TSG101: variants seen among roughly 807,000 people sequenced by gnomAD.
TSG101 encodes the protein tumor susceptibility 101.
A neutral mutation model predicts 48.5 loss-of-function variants in TSG101; 19 were observed. The ratio of observed to expected loss-of-function variants is 0.39; its 90% CI spans 0.27 to 0.58. The LOEUF is 0.58. Among genes scored for constraint, TSG101 ranks in the 20% least tolerant of loss-of-function variants. The pLI is 0.55. For missense variants in TSG101, 365 were observed against 484.4 expected, an observed-to-expected ratio of 0.75 and a Z score of 2.31; for synonymous variants, 174 against 169.4, an observed-to-expected ratio of 1.03 and a Z score of -0.21.
intron 7 of TSG101, among the ~76,000 whole-genome samples, chr11:18,499,934 T>C (rs1008048790): frequency 2.0e-5 from 3 of 152,186 alleles, no homozygotes; most frequent in African/African-American, 4.8e-5. Context: ...TATCAAACAT[T>C]AGAACTTATT....
chr11:18,508,410 G>C (rs1235350851), intron 5 of TSG101: 1 of 151,864 alleles, frequency 6.6e-6, no homozygotes, highest in Non-Finnish European at 1.5e-5. Flanking sequence ...GGCCAAGCTG[G>C]TCTTGAACTT....
intron 4 of TSG101, among the ~76,000 whole-genome samples, chr11:18,510,189 G>A (rs1241479578): frequency 6.6e-6 from 1 of 152,166 alleles, no homozygotes; most frequent in African/African-American, 2.4e-5. Flanking sequence ...GGGAGGCCAA[G>A]GTGGGTGGAC....
intron 7 of TSG101, chr11:18,491,192 C>A (rs566984340): frequency 3.9e-5 from 6 of 154,626 alleles, no homozygotes; most frequent in African/African-American, 1.4e-4. Flanking sequence ...AGAGAGGCCA[C>A]GCCTTTGCCC....
At chr11:18,509,738 TC>T in intron 4 of TSG101, 73 bp from the exon 5 acceptor site, 1 of 1,454,352 alleles carries the variant, frequency 6.9e-7, no homozygotes. Context: ...TAGCCATTTC[TC>T]ATCGGTTTTC....
At chr11:18,511,017 G>A (rs917295748) in intron 4 of TSG101, 2 of 152,076 alleles carry the variant, frequency 1.3e-5, no homozygotes, top group Non-Finnish European at 2.9e-5. Context: ...TGTTCAAAAT[G>A]GCTTATTTGA....
chr11:18,485,765 T>C (rs2133903588), intron 7 of TSG101, among the ~76,000 whole-genome samples: 1 of 152,300 alleles, frequency 6.6e-6, no homozygotes, highest in Middle Eastern at 3.4e-3. Context: ...TGAAAAGTCA[T>C]TAATAGAGTA....
At position 18,519,577 on chromosome 11, in the gene TSG101, A is replaced by G. The variant is rs199925543; in HGVS notation, c.69T>C (p.Arg23=). 4 of 1,612,902 alleles carry G rather than the reference A, an allele frequency of 2.5e-6. No homozygotes were observed. Among genetic ancestry groups the G allele is most frequent in the Non-Finnish European group, 3.4e-6 (4 of 1,179,650 alleles). ...SKYKYRDLTV[R]ETVNVITLYK... The stretch of plus-strand genomic sequence containing the variant: ...ATAGAGTAATAACATTGACAGTTTC[A>G]CGTACAGTTAGGTCTCTGTATTTGT... The change falls in exon 2 of 10, where the codon CGT becomes CGC. Residue 23 remains arginine (R), a synonymous_variant. Transcript: ENST00000251968.
chr11:18,523,694 G>A (rs1159807006), intron 1 of TSG101, among the ~76,000 whole-genome samples: 1 of 152,094 alleles, frequency 6.6e-6, no homozygotes, highest in Non-Finnish European at 1.5e-5. Context: ...TAGAGATGGG[G>A]TTTCACCATC....
At chr11:18,497,899 C>T (rs934510312) in intron 7 of TSG101, among the ~76,000 whole-genome samples, 1 of 152,104 alleles carries the variant, frequency 6.6e-6, no homozygotes, top group African/African-American at 2.4e-5. Context: ...GGAAATAACC[C>T]TTTATGGGGT....
rs150420218 is a variant in TSG101, at chr11:18,510,447, G to A, written c.358-782C>T. ...AAACAAACAAACAAAAAAATTATACGTAGATTCTAGCTTAGAAATTGCTAG... is the reference window on the plus strand; with the variant it reads ...AAACAAACAAACAAAAAAATTATACATAGATTCTAGCTTAGAAATTGCTAG... On this transcript the variant is annotated intron_variant, in intron 4 of 9. Coordinates refer to ENST00000251968, the MANE Select transcript of TSG101 (RefSeq NM_006292.4). Among the ~76,000 whole-genome samples the A allele has an allele frequency of 1.4e-3, 216 of 152,212 alleles. 1 individual carries two copies. The highest frequency in any genetic ancestry group is 4.7e-3 in the African/African-American group (194 of 41,536).
At chr11:18,481,999 C>A in intron 8 of TSG101, 130 bp from the exon 9 acceptor site, 1 of 1,254,480 alleles carries the variant, frequency 8.0e-7, no homozygotes, top group Non-Finnish European at 1.1e-6. Context: ...AATAATGTTT[C>A]AAATAACACC....
chr11:18,518,425 G>GT (rs1408300134), intron 2 of TSG101, among the ~76,000 whole-genome samples: 3 of 152,160 alleles, frequency 2.0e-5, no homozygotes, highest in African/African-American at 7.2e-5. Flanking sequence ...AGCAGCATGG[G>GT]TTTTCCCTCG....
intron 2 of TSG101, among the ~76,000 whole-genome samples, chr11:18,517,185 C>CA (rs937972749): frequency 3.5e-5 from 5 of 142,172 alleles, no homozygotes; most frequent in East Asian, 4.1e-4. Context: ...CCATGCCCAG[C>CA]TTTTTTTTTT....
chr11:18,505,824 TTTTG>T lies in TSG101; in HGVS notation c.548+1029_548+1032del, dbSNP rs577095749. Reference sequence around the variant, plus strand: ...TGTATAGAAAAGATAGGTTGTGGGGTTTTGTTTGTTTGAGAGAGAGTTTTGCTCT... The same window carrying T: ...TGTATAGAAAAGATAGGTTGTGGGGTTTTGTTTGAGAGAGAGTTTTGCTCT... On this transcript the variant is annotated intron_variant, in intron 6 of 9. Coordinates refer to ENST00000251968, the MANE Select transcript of TSG101 (RefSeq NM_006292.4). Among the ~76,000 whole-genome samples, 15 of 152,156 alleles carry T rather than the reference TTTTG, an allele frequency of 9.9e-5. No individual in the cohort carries two copies. The South Asian group carries it at 1.0e-3, about 11-fold the overall frequency.
Position 18,502,003 on chromosome 11 carries a change from T to C in TSG101, c.640+483A>G, listed in dbSNP as rs374585159. On this transcript the variant is annotated intron_variant, in intron 7 of 9. Coordinates refer to ENST00000251968, the MANE Select transcript of TSG101 (RefSeq NM_006292.4). ...GTGGGAGATAGGCATAGGTGAAGGCTGGAGTCTAAAGAAATTCTCTCACTG... is the reference window on the plus strand; with the variant it reads ...GTGGGAGATAGGCATAGGTGAAGGCCGGAGTCTAAAGAAATTCTCTCACTG... 1.2e-4 allele frequency among the ~76,000 whole-genome samples: 19 copies of C among 152,354 alleles called. No individual in the cohort carries two copies. The East Asian group carries it at 2.5e-3, about 20-fold the overall frequency.
At chr11:18,485,529 G>A (rs1396497600) in intron 7 of TSG101, among the ~76,000 whole-genome samples, 2 of 152,174 alleles carry the variant, frequency 1.3e-5, no homozygotes, top group Non-Finnish European at 2.9e-5. Flanking sequence ...ATGGTTAGAA[G>A]TCCTTAGAAT....
At chr11:18,499,657 C>T (rs942802391) in intron 7 of TSG101, among the ~76,000 whole-genome samples, 7 of 151,078 alleles carry the variant, frequency 4.6e-5, no homozygotes, top group East Asian at 3.9e-4. Context: ...GCAATCTGCC[C>T]GCCTTGGCCT....
chr11:18,495,484 G>A (rs1241875652), intron 7 of TSG101, among the ~76,000 whole-genome samples: 1 of 152,126 alleles, frequency 6.6e-6, no homozygotes, highest in Non-Finnish European at 1.5e-5. Context: ...ACCAGGGGCA[G>A]GGGTGGTGGT....
chr11:18,517,166 C>T (rs1046902232), intron 2 of TSG101, among the ~76,000 whole-genome samples: 5 of 150,892 alleles, frequency 3.3e-5, no homozygotes, highest in Admixed American at 6.6e-5. Flanking sequence ...GGACTACAGG[C>T]GTGCACTACC....
Sources: gnomAD v4.1 joint callset for allele counts (sites outside exome capture counted in the v4.1 genomes callset) on GRCh38, gnomAD v4.1.1 for gene constraint, MANE v1.5 for transcripts, NCBI Gene and HGNC (gene_info 2026-07-23, HGNC 2026-07-21) for gene names.